P2RX5: variants seen among roughly 807,000 people sequenced by gnomAD.
P2RX5 encodes P2X purinoceptor 5.
Under a neutral mutation model 54.1 loss-of-function variants are expected in P2RX5, and 46 were observed. That is an observed-to-expected ratio of 0.85 (90% CI 0.67 to 1.09). The LOEUF (loss-of-function observed/expected upper bound fraction) is 1.09, where lower values mean the gene tolerates loss of function less well. P2RX5 is among the 50% of genes least tolerant of loss of function. The probability of loss-of-function intolerance (pLI) is 0.00; values close to 1 mark genes in which losing one functional copy is unlikely to be tolerated. For synonymous variants in P2RX5, 226 were observed against 226.4 expected (o/e 1.00, Z 0.02); for missense variants, 566 against 549.8 (o/e 1.03, Z -0.29).
rs201713534 is a variant in P2RX5, at chr17:3,689,529, C to G, written c.716G>C (p.Arg239Pro). 4 of 1,614,152 alleles carry G rather than the reference C, an allele frequency of 2.5e-6. No homozygotes were observed. The highest frequency in any genetic ancestry group is 3.4e-6 in the Non-Finnish European group (4 of 1,180,016). Residue 239 changes from arginine (R) to proline (P), a missense_variant, in exon 7 of 12, where the codon CGC becomes CCC. Transcript: ENST00000225328. ...ATCCTGGAAGTCGCTCCCGGCCCAGCGGATCACGGAGCCCAGTCGGAAGAT... is the reference window on the plus strand; with the variant it reads ...ATCCTGGAAGTCGCTCCCGGCCCAGGGGATCACGGAGCCCAGTCGGAAGAT... ...CPIFRLGSVIRWAGSDFQDIA... is the reference protein window; with the variant it reads ...CPIFRLGSVIPWAGSDFQDIA...
chr17:3,701,295 G>A, the P2RX5 span, among the ~76,000 whole-genome samples: 3 of 152,156 alleles, frequency 2.0e-5, no homozygotes, highest in African/African-American at 7.2e-5. Flanking sequence ...TGTGGCCCAA[G>A]ACAATTCTTT....
chr17:3,719,070 TA>T, the P2RX5 span, among the ~76,000 whole-genome samples: 20,162 of 150,246 alleles, frequency 0.13, 4,559 homozygotes, highest in African/African-American at 0.47. Flanking sequence ...TGTCTCTATT[TA>T]AAAAAAATAA....
the P2RX5 span, among the ~76,000 whole-genome samples, chr17:3,719,582 A>G: frequency 6.6e-6 from 1 of 152,224 alleles, no homozygotes; most frequent in East Asian, 1.9e-4. Context: ...AAAGAATTCC[A>G]AGAGTTCCAG....
chr17:3,680,140 A>C (rs2050209956), intron 10 of P2RX5, among the ~76,000 whole-genome samples: 1 of 122,160 alleles, frequency 8.2e-6, no homozygotes, highest in African/African-American at 3.3e-5. Context: ...TGCATCCTCC[A>C]CCCTGAGTCC....
At chr17:3,723,194 TG>T in the P2RX5 span, 1 of 894,976 alleles carries the variant, frequency 1.1e-6, no homozygotes, top group Non-Finnish European at 1.9e-6. Flanking sequence ...ATTTTGGACA[TG>T]GACATGTTAT....
chr17:3,688,222 G>C (rs1225321159), intron 8 of P2RX5, 117 bp from the exon 9 acceptor site: 1 of 705,108 alleles, frequency 1.4e-6, no homozygotes, highest in African/African-American at 1.8e-5. Flanking sequence ...ACTCTCAGCA[G>C]CCCCAGGAGT....
chr17:3,711,433 A>G, the P2RX5 span, among the ~76,000 whole-genome samples: 1 of 114,274 alleles, frequency 8.8e-6, no homozygotes, highest in East Asian at 3.2e-4. Flanking sequence ...CCCAGGCTGG[A>G]GTGCAGTGGC....
At position 3,691,757 on chromosome 17, in the gene P2RX5, C is replaced by A. The variant is rs376763585; in HGVS notation, c.175G>T (p.Asp59Tyr). The change falls in exon 2 of 12, where the codon GAC becomes TAC. Residue 59 changes from aspartate (D) to tyrosine (Y), a missense_variant. Coordinates refer to ENST00000225328, the MANE Select transcript of P2RX5 (RefSeq NM_002561.4). ...FLIKKGYQDV[D>Y]TSLQSAVITK... Reference sequence around the variant, plus strand: ...ATGACAGCACTCTGCAGGGAGGTGTCGACGTCTTGGTAACCCTTCTTTATC... The same window carrying A: ...ATGACAGCACTCTGCAGGGAGGTGTAGACGTCTTGGTAACCCTTCTTTATC... 1.3e-5 allele frequency: 21 copies of A among 1,614,076 alleles called. No homozygotes were observed. The highest frequency in any genetic ancestry group is 4.2e-6 in the Non-Finnish European group (5 of 1,180,040).
chr17:3,711,370 C>CTTTTTTTTTTTTTTTTTTTTTTTT, the P2RX5 span, among the ~76,000 whole-genome samples: 35 of 63,092 alleles, frequency 5.5e-4, 8 homozygotes, highest in East Asian at 1.5e-3. Context: ...AGCACTCATT[C>CTTTTTTTTTTTTTTTTTTTTTTTT]TTTTTTTTTT....
intron 1 of P2RX5, 52 bp downstream of exon 1, chr17:3,695,817 G>C (rs1007496247): frequency 6.3e-7 from 1 of 1,597,042 alleles, no homozygotes. Context: ...CGCGGCGGCT[G>C]GCACCCGCCC....
the P2RX5 span, among the ~76,000 whole-genome samples, chr17:3,713,673 C>A: frequency 4.0e-5 from 6 of 151,560 alleles, no homozygotes; most frequent in African/African-American, 1.5e-4. Context: ...TCGCTTGAAC[C>A]CGGGAGGCGG....
At chr17:3,706,664 G>C in the P2RX5 span, among the ~76,000 whole-genome samples, 1 of 152,102 alleles carries the variant, frequency 6.6e-6, no homozygotes, top group Non-Finnish European at 1.5e-5. Context: ...GTCGGAGCAA[G>C]GAGCCAGTGT....
chr17:3,720,529 C>T, the P2RX5 span: 2 of 573,002 alleles, frequency 3.5e-6, no homozygotes, highest in Admixed American at 3.1e-5. Flanking sequence ...CCCTAACGTA[C>T]ACAACACTAC....
chr17:3,706,563 T>C, the P2RX5 span, among the ~76,000 whole-genome samples: 1 of 151,672 alleles, frequency 6.6e-6, no homozygotes, highest in Admixed American at 6.6e-5. Context: ...TCTCACAGGG[T>C]GCGGCTCCCA....
upstream of P2RX5, among the ~76,000 whole-genome samples, chr17:3,699,876 AGG>A (rs2050804193): frequency 2.8e-5 from 1 of 35,624 alleles, no homozygotes; most frequent in Non-Finnish European, 8.3e-5. Context: ...AAAGAAAGAA[AGG>A]AAGGAAGGAA....
rs370023355 is a variant in P2RX5 at position 3,691,021 on chromosome 17, T to C, written c.295A>G (p.Asn99Asp). The C allele has an allele frequency of 1.2e-6, 2 of 1,612,026 alleles. No homozygotes were observed. The highest frequency in any genetic ancestry group is 1.7e-6 in the Non-Finnish European group (2 of 1,179,210). The part of the protein sequence containing the change: ...ADYVIPAQGE[N>D]VFFVVTNLIV... Reference sequence around the variant, plus strand: ...AGGTTGGTGACCACAAAAAAGACGTTCTCTCCCTAAGGAACCAGAGAGGCA... The same window carrying C: ...AGGTTGGTGACCACAAAAAAGACGTCCTCTCCCTAAGGAACCAGAGAGGCA... The change falls in exon 3 of 12, where the codon AAC becomes GAC. Residue 99 changes from asparagine to aspartate, a missense_variant. Physicochemically the swap from Asn to Asp is conservative, Grantham distance 23. Coordinates refer to ENST00000225328, the MANE Select transcript of P2RX5 (RefSeq NM_002561.4).
chr17:3,698,610 A>G (rs1307982417), upstream of P2RX5, among the ~76,000 whole-genome samples: 3 of 152,152 alleles, frequency 2.0e-5, no homozygotes, highest in Non-Finnish European at 4.4e-5. Context: ...ACTGCCAGGC[A>G]CTTGCCCTCC....
the P2RX5 span, chr17:3,721,798 C>T: frequency 6.6e-6 from 1 of 152,128 alleles, no homozygotes; most frequent in Non-Finnish European, 1.5e-5. Flanking sequence ...GTAATCCCAG[C>T]ACTTCGGGAG....
chr17:3,699,883 AAGGAAGGAAGGAAGGAAG>A (rs1567744316), upstream of P2RX5, among the ~76,000 whole-genome samples: 74 of 53,886 alleles, frequency 1.4e-3, 1 homozygote, highest in South Asian at 4.2e-3. Context: ...GAAAGGAAGG[AAGGAAGGAAGGAAGGAAG>A]GAAGGAAGGA....
Sources: gnomAD v4.1 joint callset for allele counts (sites outside exome capture counted in the v4.1 genomes callset) on GRCh38, gnomAD v4.1.1 for gene constraint, MANE v1.5 for transcripts, NCBI Gene and HGNC (gene_info 2026-07-23, HGNC 2026-07-21) for gene names.